GRM7: variants seen among roughly 807,000 people sequenced by gnomAD.
GRM7 encodes the protein glutamate metabotropic receptor 7.
A neutral mutation model predicts 84.5 loss-of-function variants in GRM7; 35 were observed. The observed-to-expected ratio is 0.41, with a 90% CI of 0.32 to 0.55. The LOEUF (loss-of-function observed/expected upper bound fraction) is 0.55, where lower values mean the gene tolerates loss of function less well. Among genes scored for constraint, GRM7 ranks in the 20% least tolerant of loss-of-function variants. The pLI, the probability that GRM7 is intolerant of heterozygous loss-of-function variation, is 0.19. For missense variants in GRM7, 1,003 were observed against 1,194.6 expected, an observed-to-expected ratio of 0.84 and a Z score of 2.36; for synonymous variants, 487 against 455.1, an observed-to-expected ratio of 1.07 and a Z score of -0.89.
chr3:6,906,985 A>T (rs946879722), intron 1 of GRM7, among the ~76,000 whole-genome samples: 1 of 152,172 alleles, frequency 6.6e-6, no homozygotes. Context: ...GACAAATTCA[A>T]CACCTCCCAA....
intron 7 of GRM7, among the ~76,000 whole-genome samples, chr3:7,490,152 C>A (rs1278803242): frequency 6.6e-6 from 1 of 152,040 alleles, no homozygotes; most frequent in Non-Finnish European, 1.5e-5. Flanking sequence ...ATTTAGTATA[C>A]AAAAGTTATA....
chr3:6,956,516 CA>C, intron 1 of GRM7: 1 of 454,040 alleles, frequency 2.2e-6, no homozygotes, highest in East Asian at 7.0e-5. Flanking sequence ...AGAAGAAAAC[CA>C]GAGAGATTTC....
chr3:7,098,745 G>T (rs928742005), intron 1 of GRM7, among the ~76,000 whole-genome samples: 5 of 151,830 alleles, frequency 3.3e-5, no homozygotes, highest in African/African-American at 1.2e-4. Context: ...ACCATATGAG[G>T]GACTCCATTT....
rs17234942 is a variant in GRM7 at position 7,125,522 on chromosome 3, C to A, written c.520-20930C>A. Among the ~76,000 whole-genome samples the A allele has an allele frequency of 6.3e-3, 960 of 152,266 alleles. 11 individuals are homozygous for A. The highest frequency in any genetic ancestry group is 0.035 in the South Asian group (170 of 4,830). On this transcript the variant is annotated intron_variant, in intron 1 of 9. Coordinates refer to ENST00000357716, the MANE Select transcript of GRM7 (RefSeq NM_000844.4). ...TAACAAATTTTTAGAGCTTGCCATC[C>A]AGATGACTAAAGATAAGGTTATGAT...
intron 2 of GRM7, among the ~76,000 whole-genome samples, chr3:7,158,627 A>G (rs534349573): frequency 6.6e-6 from 1 of 152,318 alleles, no homozygotes; most frequent in Admixed American, 6.5e-5. Context: ...GGGAAGATGA[A>G]CTAAACATTA....
At position 7,130,547 on chromosome 3, in the gene GRM7, AAAAAAAAGAAAAG is replaced by A. The variant is rs1473675083; in HGVS notation, c.520-15897_520-15885del. Among the ~76,000 whole-genome samples, 653 of 106,134 alleles carry A rather than the reference AAAAAAAAGAAAAG, an allele frequency of 6.2e-3. 7 individuals carry two copies. Among genetic ancestry groups the A allele is most frequent in the African/African-American group, 0.019 (418 of 21,866 alleles). 69.6% of individuals were successfully genotyped at this position (106,134 alleles called of 152,430 possible). A position where few individuals can be genotyped will look rare whatever the true frequency, so the allele number is the denominator to read the frequency against. On this transcript the variant is annotated intron_variant, in intron 1 of 9. Transcript: ENST00000357716. Reference sequence around the variant, plus strand: ...GACAGTGCGAGATTCTTGTCTCAAAAAAAAAAAGAAAAGAAAAAAAAAAAGGATTAATGGCCCA... The same window carrying A: ...GACAGTGCGAGATTCTTGTCTCAAAAAAAAAAAAAAAGGATTAATGGCCCA...
At chr3:7,467,871 C>T (rs1234703508) in intron 7 of GRM7, among the ~76,000 whole-genome samples, 1 of 151,990 alleles carries the variant, frequency 6.6e-6, no homozygotes, top group Non-Finnish European at 1.5e-5. Context: ...AAAAAAAAAT[C>T]AGCCATCCAT....
At chr3:7,637,010 T>C (rs1447522952) in intron 8 of GRM7, among the ~76,000 whole-genome samples, 1 of 152,264 alleles carries the variant, frequency 6.6e-6, no homozygotes, top group East Asian at 1.9e-4. Flanking sequence ...GGTCATGGCA[T>C]GAGAATACTC....
At chr3:7,693,626 T>C in intron 9 of GRM7, 1 of 1,513,858 alleles carries the variant, frequency 6.6e-7, no homozygotes, top group Non-Finnish European at 8.9e-7. Flanking sequence ...CTGTTGTTTT[T>C]ATTCAGGTGA....
At chr3:7,086,959 A>G (rs920531791) in intron 1 of GRM7, among the ~76,000 whole-genome samples, 7 of 152,132 alleles carry the variant, frequency 4.6e-5, no homozygotes, top group Non-Finnish European at 7.3e-5. Flanking sequence ...TGTCATTCTC[A>G]TATTTCCTTC....
At chr3:7,003,501 A>G (rs566997261) in intron 1 of GRM7, among the ~76,000 whole-genome samples, 1 of 152,286 alleles carries the variant, frequency 6.6e-6, no homozygotes, top group East Asian at 1.9e-4. Context: ...GTCCTCAAAG[A>G]TTATACCATA....
chr3:7,122,378 A>G (rs1693255405), intron 1 of GRM7, among the ~76,000 whole-genome samples: 1 of 152,222 alleles, frequency 6.6e-6, no homozygotes, highest in Non-Finnish European at 1.5e-5. Context: ...ATGATTGAAA[A>G]TGTAATGAGA....
intron 6 of GRM7, among the ~76,000 whole-genome samples, chr3:7,454,128 T>A (rs1213456708): frequency 2.0e-5 from 3 of 150,868 alleles, no homozygotes; most frequent in African/African-American, 7.4e-5. Context: ...TCTCTCTCTC[T>A]CATAAACTAA....
rs988872912 is a variant in GRM7, at chr3:7,569,912, G to A, written c.1516-8510G>A. ...CTTTAAGAACTGCAACACTCACCGC[G>A]AGGGTCCGTGGCTTCATTCTTGAAG... On this transcript the variant is annotated intron_variant, in intron 7 of 9. Transcript: ENST00000357716. 2.6e-5 allele frequency among the ~76,000 whole-genome samples: 4 copies of A among 152,124 alleles called. No individual in the cohort carries two copies. In the South Asian group the frequency reaches 6.2e-4, roughly 24 times the overall value.
Position 7,049,389 on chromosome 3 carries a change from A to C in GRM7, c.520-97063A>C, listed in dbSNP as rs558747373. On this transcript the variant is annotated intron_variant, in intron 1 of 9. Coordinates refer to ENST00000357716, the MANE Select transcript of GRM7 (RefSeq NM_000844.4). Reference sequence around the variant, plus strand: ...CAGGCAAGAGAGCTTGTGCAGGGAAACTCTCTTTTATAAAACCATCAGATC... The same window carrying C: ...CAGGCAAGAGAGCTTGTGCAGGGAACCTCTCTTTTATAAAACCATCAGATC... Among the ~76,000 whole-genome samples, 162 of 151,564 alleles carry C rather than the reference A, an allele frequency of 1.1e-3. 1 individual carries two copies. The highest frequency in any genetic ancestry group is 3.5e-3 in the African/African-American group (145 of 41,358).
intron 9 of GRM7, among the ~76,000 whole-genome samples, chr3:7,701,287 C>T (rs968179403): frequency 1.4e-5 from 2 of 145,724 alleles, no homozygotes; most frequent in African/African-American, 2.5e-5. Flanking sequence ...ACAGAAGATA[C>T]CTGTGGTTGC....
At chr3:7,400,192 A>G (rs1695390762) in intron 4 of GRM7, among the ~76,000 whole-genome samples, 1 of 152,216 alleles carries the variant, frequency 6.6e-6, no homozygotes, top group Admixed American at 6.5e-5. Flanking sequence ...CTTCCCTGGC[A>G]GAACCTCAGT....
At position 6,956,514 on chromosome 3, in the gene GRM7, A is replaced by C. The variant is rs952776469; in HGVS notation, c.519+94607A>C. ...TCTCTTATTATTGTATGAGAAGAAA[A>C]CCAGAGAGATTTCTGTGGCATATTT... On this transcript the variant is annotated intron_variant, in intron 1 of 9. Coordinates refer to ENST00000357716, the MANE Select transcript of GRM7 (RefSeq NM_000844.4). 17 of 454,056 alleles carry C rather than the reference A, an allele frequency of 3.7e-5. No individual in the cohort carries two copies. The East Asian group carries it at 1.2e-3, about 32-fold the overall frequency. 28.1% of individuals were successfully genotyped at this position (454,056 alleles called of 1,614,324 possible). A position where few individuals can be genotyped will look rare whatever the true frequency, so the allele number is the denominator to read the frequency against.
intron 7 of GRM7, among the ~76,000 whole-genome samples, chr3:7,525,139 TAGCATTAGGAG>T (rs2124996739): frequency 6.6e-6 from 1 of 151,416 alleles, no homozygotes; most frequent in East Asian, 2.0e-4. Context: ...GGGGGAGGGA[TAGCATTAGGAG>T]ATATACCTAA....
Sources: gnomAD v4.1 joint callset for allele counts (sites outside exome capture counted in the v4.1 genomes callset) on GRCh38, gnomAD v4.1.1 for gene constraint, MANE v1.5 for transcripts, NCBI Gene and HGNC (gene_info 2026-07-23, HGNC 2026-07-21) for gene names.